ZNF664: variants seen among roughly 807,000 people sequenced by gnomAD.
ZNF664 encodes the protein zinc finger Organ of Corti 1.
In ZNF664, 10 loss-of-function variants were observed where a neutral mutation model predicts 18.2. The observed-to-expected ratio is 0.55, with a 90% CI of 0.34 to 0.93. ZNF664 has a LOEUF of 0.93. ZNF664 is among the 40% of genes least tolerant of loss of function. The probability of loss-of-function intolerance (pLI) is 0.02; values close to 1 mark genes in which losing one functional copy is unlikely to be tolerated. For missense variants in ZNF664, 193 were observed against 319.0 expected, an observed-to-expected ratio of 0.61 and a Z score of 3.01; for synonymous variants, 119 against 104.2, an observed-to-expected ratio of 1.14 and a Z score of -0.86.
At chr12:123,993,324 T>C (rs1396127428) in intron 3 of ZNF664, among the ~76,000 whole-genome samples, 1 of 152,200 alleles carries the variant, frequency 6.6e-6, no homozygotes, top group Non-Finnish European at 1.5e-5. Context: ...GAATCTGCCT[T>C]GGGCAGCCAG....
chr12:124,001,800 A>G (rs565321588), intron 3 of ZNF664, among the ~76,000 whole-genome samples: 2 of 152,370 alleles, frequency 1.3e-5, no homozygotes, highest in South Asian at 4.1e-4. Flanking sequence ...ATGATTCTGC[A>G]CTGCTGAAGG....
At chr12:123,984,091 C>T in intron 2 of ZNF664, among the ~76,000 whole-genome samples, 1 of 152,226 alleles carries the variant, frequency 6.6e-6, no homozygotes, top group Non-Finnish European at 1.5e-5. Flanking sequence ...GCAAAGCTTT[C>T]TTTCACAGCC....
Position 124,012,090 on chromosome 12 carries a change from CTG to C in ZNF664, c.-53_-52del, listed in dbSNP as rs1159220520. ...ACTCTATGAAATAACAGTCTTGTAA[CTG>C]TAGTAATCATAAGGAAATTTTCTCC... On this transcript the variant is annotated 5_prime_UTR_variant, in exon 5 of 5. Transcript: ENST00000337815. The C allele has an allele frequency of 6.5e-7, 1 of 1,549,450 alleles. No individual in the cohort carries two copies.
chr12:123,997,138 T>G (rs908629810), intron 3 of ZNF664, among the ~76,000 whole-genome samples: 1 of 152,188 alleles, frequency 6.6e-6, no homozygotes, highest in African/African-American at 2.4e-5. Flanking sequence ...TTTTTGGACG[T>G]GATTAAAGGT....
At chr12:123,979,418 G>T (rs912946653) in intron 2 of ZNF664, among the ~76,000 whole-genome samples, 1 of 152,132 alleles carries the variant, frequency 6.6e-6, no homozygotes, top group Non-Finnish European at 1.5e-5. Flanking sequence ...TGTAAAAGAG[G>T]CACCTAATAC....
intron 2 of ZNF664, among the ~76,000 whole-genome samples, chr12:123,987,495 C>G (rs999409043): frequency 2.0e-5 from 3 of 152,110 alleles, no homozygotes; most frequent in African/African-American, 7.2e-5. Flanking sequence ...TTGATTTAAT[C>G]CTTAAATTAC....
At chr12:124,002,555 G>A (rs1442910736) in intron 3 of ZNF664, among the ~76,000 whole-genome samples, 2 of 152,208 alleles carry the variant, frequency 1.3e-5, no homozygotes, top group Non-Finnish European at 2.9e-5. Context: ...CCTGGATAGG[G>A]TGGAGCTTGT....
chr12:124,012,082 T>C lies in ZNF664; in HGVS notation c.-63T>C, dbSNP rs1957140844. 3 of 1,534,228 alleles carry C rather than the reference T, an allele frequency of 2.0e-6. No homozygotes were observed. Among genetic ancestry groups the C allele is most frequent in the Non-Finnish European group, 2.6e-6 (3 of 1,149,700 alleles). ...AATAAGAGACTCTATGAAATAACAG[T>C]CTTGTAACTGTAGTAATCATAAGGA... is the stretch of plus-strand genomic sequence containing the variant. On this transcript the variant is annotated 5_prime_UTR_variant, in exon 5 of 5. Transcript: ENST00000337815.
intron 3 of ZNF664, among the ~76,000 whole-genome samples, chr12:123,991,625 A>C (rs928916944): frequency 6.6e-5 from 10 of 152,246 alleles, no homozygotes; most frequent in Admixed American, 6.5e-4. Flanking sequence ...TAATTACCGC[A>C]GCAAAGTATT....
At position 124,012,896 on chromosome 12, in the gene ZNF664, A is replaced by G. The variant is rs1284391238; in HGVS notation, c.752A>G (p.Lys251Arg). 6.2e-7 allele frequency: 1 copy of G among 1,614,070 alleles called. No individual in the cohort carries two copies. The highest frequency in any genetic ancestry group is 1.3e-5 in the African/African-American group (1 of 74,928). Residue 251 changes from lysine (K) to arginine (R), a missense_variant, in exon 5 of 5, where the codon AAG becomes AGG. Transcript: ENST00000337815. The stretch of plus-strand genomic sequence containing the variant: ...TGCATCCACCAGAGAGTCCACACAA[A>G]GGAGAGAAACCATCTCAAAATATCA... Reference protein sequence around the residue: ...SLCIHQRVHTKERNHLKISVI With the variant: ...SLCIHQRVHTRERNHLKISVI
rs775789311 is a variant in ZNF664, at chr12:124,012,669, G to A, written c.525G>A (p.Glu175=). 6 of 1,614,030 alleles carry A rather than the reference G, an allele frequency of 3.7e-6. No individual in the cohort carries two copies. Among genetic ancestry groups the A allele is most frequent in the Admixed American group, 1.7e-5 (1 of 60,000 alleles). ...HTGEKPYKCY[E]CGKAFSQSSS... is the part of the protein sequence containing the mutation. ...GAGAGAAACCCTATAAATGTTATGAGTGTGGGAAGGCGTTCAGTCAGAGTT... is the reference window on the plus strand; with the variant it reads ...GAGAGAAACCCTATAAATGTTATGAATGTGGGAAGGCGTTCAGTCAGAGTT... The change falls in exon 5 of 5, where the codon GAG becomes GAA. Residue 175 remains glutamate, a synonymous_variant. Transcript: ENST00000337815.
Position 124,011,689 on chromosome 12 carries a change from A to G in ZNF664, c.-456A>G. On this transcript the variant is annotated 5_prime_UTR_variant, in exon 5 of 5. Transcript: ENST00000337815. The stretch of plus-strand genomic sequence containing the variant: ...AACTGACTCTTCAAGGGGCAACTGC[A>G]GGGGCTCGAGACCAGCCAGCAGTAT... 1 of 1,006,768 alleles carries G rather than the reference A, an allele frequency of 9.9e-7. No homozygotes were observed. The allele number at this position is 1,006,768 out of a possible 1,614,324, so 62.4% of individuals were successfully genotyped here.
chr12:124,004,152 A>G (rs1957044063), intron 3 of ZNF664, among the ~76,000 whole-genome samples: 1 of 152,146 alleles, frequency 6.6e-6, no homozygotes, highest in African/African-American at 2.4e-5. Flanking sequence ...CTTAACACAG[A>G]TTTGGGAGGG....
rs1957151790 is a variant in ZNF664, at chr12:124,013,103, G to A, written c.*173G>A. The A allele has an allele frequency of 2.1e-6, 2 of 954,942 alleles. No homozygotes were observed. The highest frequency in any genetic ancestry group is 3.6e-5 in the South Asian group (2 of 55,068). 59.2% of individuals were successfully genotyped at this position (954,942 alleles called of 1,614,324 possible). On this transcript the variant is annotated 3_prime_UTR_variant, in exon 5 of 5. Coordinates refer to ENST00000337815, the MANE Select transcript of ZNF664 (RefSeq NM_152437.3). ...GGTTCATGCCAAGTGTGTTCCACAG[G>A]TTGACTTTGAATGTGGACCTCTGAG...
chr12:123,984,280 C>G (rs1032419643), intron 2 of ZNF664, among the ~76,000 whole-genome samples: 3 of 152,074 alleles, frequency 2.0e-5, no homozygotes, highest in Non-Finnish European at 4.4e-5. Context: ...ACAGAAGGAG[C>G]CAAGGGAGTG....
intron 3 of ZNF664, among the ~76,000 whole-genome samples, chr12:124,002,259 T>C (rs1957021111): frequency 6.6e-6 from 1 of 152,034 alleles, no homozygotes; most frequent in African/African-American, 2.4e-5. Flanking sequence ...GCTTGAAGAC[T>C]AGAAAGGAGA....
intron 2 of ZNF664, among the ~76,000 whole-genome samples, chr12:123,975,447 T>G (rs1043363693): frequency 6.7e-6 from 1 of 148,828 alleles, no homozygotes. Context: ...GAGAGAGAGA[T>G]AGGGTCTCTT....
chr12:124,006,840 G>A (rs1275438298), intron 3 of ZNF664, among the ~76,000 whole-genome samples: 1 of 152,168 alleles, frequency 6.6e-6, no homozygotes, highest in South Asian at 2.1e-4. Context: ...TCAGAAAGAG[G>A]GACTTGCAGT....
intron 2 of ZNF664, among the ~76,000 whole-genome samples, chr12:123,985,143 A>G (rs1250053506): frequency 6.6e-6 from 1 of 152,026 alleles, no homozygotes; most frequent in Non-Finnish European, 1.5e-5. Flanking sequence ...TGAAAGTGAG[A>G]AGAGTGAATT....
Sources: allele counts gnomAD v4.1 joint callset (sites outside exome capture counted in the v4.1 genomes callset), GRCh38; gene constraint gnomAD v4.1.1; transcripts MANE v1.5; gene names NCBI Gene and HGNC (gene_info 2026-07-23, HGNC 2026-07-21).